The following ZDHHC19 variants were observed in gnomAD, a reference collection of about 807,000 sequenced individuals.
The protein encoded by ZDHHC19 is zDHHC palmitoyltransferase 19, also known as palmitoyltransferase ZDHHC19.
Under a neutral mutation model 33.9 loss-of-function variants are expected in ZDHHC19, and 30 were observed. That is an observed-to-expected ratio of 0.88 (90% confidence interval 0.66 to 1.20). The LOEUF is 1.20. Among genes scored for constraint, ZDHHC19 ranks in the 50% most tolerant of loss-of-function variants. ZDHHC19 has a pLI of 0.00. For missense variants in ZDHHC19, 364 were observed against 401.1 expected (o/e 0.91, Z 0.79); for synonymous variants, 178 against 167.6 (o/e 1.06, Z -0.48).
At chr3:196,209,917 C>A (rs4916507) in intron 2 of ZDHHC19, among the ~76,000 whole-genome samples, 12 of 151,826 alleles carry the variant, frequency 7.9e-5, no homozygotes, top group South Asian at 2.1e-4. Flanking sequence ...TAGGGCCGGG[C>A]GCGGGGGCTC....
chr3:196,210,839 G>A (rs555698801), intron 1 of ZDHHC19, 102 bp from the exon 2 acceptor site: 1 of 1,477,280 alleles, frequency 6.8e-7, no homozygotes, highest in African/African-American at 1.4e-5. Context: ...CTTCAAGCCA[G>A]ATCTAAAAAT....
At chr3:196,211,041 C>T (rs142847738) in intron 1 of ZDHHC19, 129 bp downstream of exon 1, 67 of 1,473,244 alleles carry the variant, frequency 4.5e-5, no homozygotes, top group Non-Finnish European at 5.4e-5. Flanking sequence ...TCGGTTCCCT[C>T]GAACAGAATA....
chr3:196,201,217 C>T lies in ZDHHC19; in HGVS notation c.688-2343G>A, dbSNP rs558696651. On this transcript the variant is annotated intron_variant, in intron 5 of 7. Coordinates refer to ENST00000296326, the MANE Select transcript of ZDHHC19 (RefSeq NM_001039617.2). ...CCTCCCAAGTAGCTGGGATTACAGG[C>T]ACCCACCATCACGCCCAGCTAATTT... Among the ~76,000 whole-genome samples, 8 of 151,544 alleles carry T rather than the reference C, an allele frequency of 5.3e-5. No individual in the cohort carries two copies. In the East Asian group the frequency reaches 1.2e-3, roughly 22 times the overall value.
rs1327807502 is a variant in ZDHHC19 at position 196,203,667 on chromosome 3, G to C, written c.687+3731C>G. ...CTGGAGATCCTGGATCAGGAGGGCA[G>C]CATTCTGGGCAGGGGAGGGAGGGCA... On this transcript the variant is annotated intron_variant, in intron 5 of 7. Transcript: ENST00000296326. The surrounding 1 kb of genome is among the most constrained non-coding windows in gnomAD (Gnocchi z 4.3). Among the ~76,000 whole-genome samples the C allele has an allele frequency of 6.6e-6, 1 of 152,244 alleles. No individual in the cohort carries two copies. Among genetic ancestry groups the C allele is most frequent in the Non-Finnish European group, 1.5e-5 (1 of 68,038 alleles).
intron 5 of ZDHHC19, among the ~76,000 whole-genome samples, chr3:196,206,802 T>A (rs1226452762): frequency 6.6e-6 from 1 of 151,728 alleles, no homozygotes; most frequent in Non-Finnish European, 1.5e-5. Context: ...AGCCTGGACC[T>A]TTTTAATGTG....
At chr3:196,198,914 G>C in intron 5 of ZDHHC19, 40 bp from the exon 6 acceptor site, 2 of 1,599,056 alleles carry the variant, frequency 1.3e-6, no homozygotes, top group Non-Finnish European at 1.7e-6. Context: ...CTCAGAACCA[G>C]CAGGAATGGC....
chr3:196,204,753 C>T (rs914458203), intron 5 of ZDHHC19, among the ~76,000 whole-genome samples: 4 of 152,032 alleles, frequency 2.6e-5, no homozygotes, highest in South Asian at 2.1e-4. Flanking sequence ...TTATATATTA[C>T]GGGTAGGAAT....
chr3:196,202,608 C>T (rs1371893046), intron 5 of ZDHHC19, among the ~76,000 whole-genome samples: 1 of 152,238 alleles, frequency 6.6e-6, no homozygotes, highest in African/African-American at 2.4e-5. Context: ...CCCAGGCACA[C>T]GCAGAGGAGC....
Position 196,209,515 on chromosome 3 carries a change from C to A in ZDHHC19, c.269G>T (p.Gly90Val). 6.2e-7 allele frequency: 1 copy of A among 1,612,476 alleles called. No individual in the cohort carries two copies. Among genetic ancestry groups the A allele is most frequent in the Non-Finnish European group, 8.5e-7 (1 of 1,179,608 alleles). The change falls in exon 3 of 8, where the codon GGC (glycine) becomes GTC (valine). Residue 90 changes from glycine (G) to valine (V), a missense_variant and splice_region_variant. Physicochemically the swap from Gly to Val is moderately radical, Grantham distance 109. Coordinates refer to ENST00000296326, the MANE Select transcript of ZDHHC19 (RefSeq NM_001039617.2). The stretch of plus-strand genomic sequence containing the variant: ...CGTCAAGGGGCCCTGCTCAGCGGAG[C>A]CTGGCGTGGGAAGAGGATTGGGCAC... ...NFSDPGILHQ[G>V]SAEQGPLTVH...
chr3:196,203,258 A>G lies in ZDHHC19; in HGVS notation c.687+4140T>C, dbSNP rs1418380006. On this transcript the variant is annotated intron_variant, in intron 5 of 7. Coordinates refer to ENST00000296326, the MANE Select transcript of ZDHHC19 (RefSeq NM_001039617.2). This position sits in a 1 kb window ranked among gnomAD's most constrained non-coding sequence, Gnocchi z 4.3. Reference sequence around the variant, plus strand: ...ATACTCTGTCTCAAAAAAGAAAAAAAAAGAAAGAAAGAAGAAAGAAAGAGA... The same window carrying G: ...ATACTCTGTCTCAAAAAAGAAAAAAGAAGAAAGAAAGAAGAAAGAAAGAGA... 6.6e-6 allele frequency among the ~76,000 whole-genome samples: 1 copy of G among 152,026 alleles called. No homozygotes were observed. The highest frequency in any genetic ancestry group is 1.5e-5 in the Non-Finnish European group (1 of 68,012).
chr3:196,209,248 C>T (rs1723019356), intron 3 of ZDHHC19, 128 bp downstream of exon 3: 1 of 1,335,556 alleles, frequency 7.5e-7, no homozygotes, highest in Non-Finnish European at 1.0e-6. Context: ...CTGGGAGTTA[C>T]TGCCACCCTT....
chr3:196,205,841 G>A (rs539229538), intron 5 of ZDHHC19, among the ~76,000 whole-genome samples: 31 of 152,164 alleles, frequency 2.0e-4, no homozygotes, highest in African/African-American at 7.0e-4. Flanking sequence ...TGTATTTTTT[G>A]TAGAGACAGG....
intron 5 of ZDHHC19, among the ~76,000 whole-genome samples, chr3:196,206,159 C>A (rs948221014): frequency 1.3e-5 from 2 of 151,882 alleles, no homozygotes; most frequent in African/African-American, 4.8e-5. Context: ...TCAAGCGATT[C>A]TTGTGCCTCA....
At chr3:196,207,845 T>G (rs1407958082) in intron 4 of ZDHHC19, among the ~76,000 whole-genome samples, 4 of 121,402 alleles carry the variant, frequency 3.3e-5, no homozygotes, top group Non-Finnish European at 5.3e-5. Context: ...CCCACCCCCT[T>G]GAAAGCCTGA....
chr3:196,199,116 G>T (rs1193592147), intron 5 of ZDHHC19, among the ~76,000 whole-genome samples: 1 of 152,220 alleles, frequency 6.6e-6, no homozygotes, highest in African/African-American at 2.4e-5. Context: ...TGTCTGGAAG[G>T]TCAGTTGAGC....
chr3:196,199,671 A>C (rs1206516414), intron 5 of ZDHHC19: 1 of 154,324 alleles, frequency 6.5e-6, no homozygotes, highest in African/African-American at 2.4e-5. Flanking sequence ...TGGCCGGGTG[A>C]GATGGCTCAC....
At chr3:196,200,636 G>C (rs566953898) in intron 5 of ZDHHC19, among the ~76,000 whole-genome samples, 1 of 146,982 alleles carries the variant, frequency 6.8e-6, no homozygotes. Context: ...TTACAAGCGT[G>C]AGCCACCACG....
At chr3:196,201,428 A>T (rs1465217579) in intron 5 of ZDHHC19, among the ~76,000 whole-genome samples, 1 of 150,954 alleles carries the variant, frequency 6.6e-6, no homozygotes, top group Non-Finnish European at 1.5e-5. Context: ...TATGAATGAA[A>T]CCAACAGCTC....
At position 196,197,991 on chromosome 3, in the gene ZDHHC19, C is replaced by A. The variant is rs911431893; in HGVS notation, c.*20-266G>T. On this transcript the variant is annotated intron_variant, in intron 7 of 7. Transcript: ENST00000296326. This position sits in a 1 kb window ranked among gnomAD's most constrained non-coding sequence, Gnocchi z 4.4. Reference sequence around the variant, plus strand: ...TGGCCAAATTATAAACCACGAGACTCATCTCAGTCCTGCGAGTAGGTGACT... The same window carrying A: ...TGGCCAAATTATAAACCACGAGACTAATCTCAGTCCTGCGAGTAGGTGACT... 6.6e-6 allele frequency among the ~76,000 whole-genome samples: 1 copy of A among 152,174 alleles called. No homozygotes were observed. The highest frequency in any genetic ancestry group is 1.5e-5 in the Non-Finnish European group (1 of 68,028).
Sources: allele counts gnomAD v4.1 joint callset (sites outside exome capture counted in the v4.1 genomes callset), GRCh38; gene constraint gnomAD v4.1.1; non-coding constraint Gnocchi (gnomAD v3.1); transcripts MANE v1.5; gene names NCBI Gene and HGNC (gene_info 2026-07-23, HGNC 2026-07-21).